The following FOXP2 variants were observed in gnomAD, a reference collection of about 807,000 sequenced individuals.
The protein encoded by FOXP2 is forkhead box P2.
Under a neutral mutation model 115.8 loss-of-function variants are expected in FOXP2, and 12 were observed. The ratio of observed to expected loss-of-function variants is 0.10; its 90% CI spans 0.07 to 0.17. FOXP2 has a LOEUF of 0.17. Among genes scored for constraint, FOXP2 ranks in the 10% least tolerant of loss-of-function variants. The probability of loss-of-function intolerance (pLI) is 1.00; values close to 1 mark genes in which losing one functional copy is unlikely to be tolerated. For missense variants in FOXP2, 629 were observed against 843.5 expected, an observed-to-expected ratio of 0.75 and a Z score of 3.15; for synonymous variants, 328 against 297.7, an observed-to-expected ratio of 1.10 and a Z score of -1.05.
chr7:114,665,026 G>A (rs1807089079), intron 16 of FOXP2: 2 of 152,904 alleles, frequency 1.3e-5, no homozygotes, highest in East Asian at 1.9e-4. Flanking sequence ...GCAAGACTAC[G>A]ATTCCTATTA....
chr7:114,220,627 T>C (rs971537909), intron 1 of FOXP2, among the ~76,000 whole-genome samples: 2 of 152,148 alleles, frequency 1.3e-5, no homozygotes, highest in African/African-American at 4.8e-5. Flanking sequence ...ATCTAATGCA[T>C]GTTATCTCTG....
At chr7:114,086,982 C>G (rs1341763768), upstream of FOXP2, among the ~76,000 whole-genome samples, 2 of 152,132 alleles carry the variant, frequency 1.3e-5, no homozygotes, top group African/African-American at 4.8e-5. Flanking sequence ...GAATGTGTGT[C>G]GAAACACCAG....
At chr7:114,336,433 G>A (rs2129183711) in intron 2 of FOXP2, among the ~76,000 whole-genome samples, 1 of 151,480 alleles carries the variant, frequency 6.6e-6, no homozygotes, top group Admixed American at 6.6e-5. Flanking sequence ...AAAGAAATGT[G>A]TAAAGTAGAA....
intron 2 of FOXP2, among the ~76,000 whole-genome samples, chr7:114,465,016 A>G (rs1795742326): frequency 6.6e-6 from 1 of 152,194 alleles, no homozygotes; most frequent in Non-Finnish European, 1.5e-5. Flanking sequence ...TTTTCCATCT[A>G]TTTCACATTA....
intron 2 of FOXP2, among the ~76,000 whole-genome samples, chr7:114,403,868 T>C (rs1407976596): frequency 6.6e-6 from 1 of 152,316 alleles, no homozygotes; most frequent in East Asian, 1.9e-4. Flanking sequence ...CATTTGAAGT[T>C]TGCAGGGCAA....
Position 114,175,132 on chromosome 7 carries a change from A to G in FOXP2, c.-102+12044A>G, listed in dbSNP as rs142469303. Among the ~76,000 whole-genome samples, 196 of 152,056 alleles carry G rather than the reference A, an allele frequency of 1.3e-3. 2 individuals are homozygous for G. Among genetic ancestry groups the G allele is most frequent in the African/African-American group, 4.4e-3 (184 of 41,522 alleles). Reference sequence around the variant, plus strand: ...GATTTTAAGTGATTTTTTTTTTCAAACGCAAACTACTTAAAACCTGTGTTT... The same window carrying G: ...GATTTTAAGTGATTTTTTTTTTCAAGCGCAAACTACTTAAAACCTGTGTTT... On this transcript the variant is annotated intron_variant, in intron 1 of 17. Transcript: ENST00000634411.
At chr7:114,422,403 A>T (rs1298976793) in intron 1 of FOXP2, among the ~76,000 whole-genome samples, 1 of 151,744 alleles carries the variant, frequency 6.6e-6, no homozygotes, top group Admixed American at 6.6e-5. Context: ...GTTAATATTA[A>T]GGCACTAAGA....
At chr7:114,495,823 T>A (rs1464131620) in intron 2 of FOXP2, among the ~76,000 whole-genome samples, 1 of 152,120 alleles carries the variant, frequency 6.6e-6, no homozygotes, top group Admixed American at 6.6e-5. Flanking sequence ...TTATTTTCTA[T>A]ATAGTGTTTG....
chr7:114,219,844 GT>G (rs111558475), intron 1 of FOXP2, among the ~76,000 whole-genome samples: 6 of 146,946 alleles, frequency 4.1e-5, no homozygotes, highest in Admixed American at 2.7e-4. Flanking sequence ...TTCTGTGAGG[GT>G]TTTTTTTTTG....
intron 2 of FOXP2, among the ~76,000 whole-genome samples, chr7:114,517,591 CT>C (rs1205233154): frequency 1.3e-5 from 2 of 152,104 alleles, no homozygotes; most frequent in African/African-American, 4.8e-5. Flanking sequence ...TGCCTTTTCC[CT>C]TTTATGTGTT....
intron 2 of FOXP2, among the ~76,000 whole-genome samples, chr7:114,513,304 T>A (rs1288417958): frequency 6.6e-6 from 1 of 152,188 alleles, no homozygotes; most frequent in African/African-American, 2.4e-5. Context: ...TTTCTTTCCA[T>A]GCTTTGTGTA....
chr7:114,175,643 T>A (rs1337131399), intron 1 of FOXP2, among the ~76,000 whole-genome samples: 1 of 152,180 alleles, frequency 6.6e-6, no homozygotes, highest in Non-Finnish European at 1.5e-5. Context: ...CAAAATGCAT[T>A]AAGTGTATTA....
intron 6 of FOXP2, among the ~76,000 whole-genome samples, chr7:114,636,182 A>G (rs1805206472): frequency 1.3e-5 from 2 of 152,170 alleles, no homozygotes; most frequent in South Asian, 4.1e-4. Flanking sequence ...AGGATACTCC[A>G]GAAACTGGGA....
chr7:114,230,975 TACACAC>T (rs3086371), intron 1 of FOXP2, among the ~76,000 whole-genome samples: 2,667 of 147,104 alleles, frequency 0.018, 77 homozygotes, highest in African/African-American at 0.059. Flanking sequence ...CCCTAAAGAT[TACACAC>T]ACACACACAC....
At chr7:114,289,611 G>A (rs1796545223) in intron 2 of FOXP2, among the ~76,000 whole-genome samples, 1 of 151,830 alleles carries the variant, frequency 6.6e-6, no homozygotes, top group South Asian at 2.1e-4. Context: ...AATGAACCAG[G>A]AAAGAATGAA....
At chr7:114,669,374 A>G (rs893295541) in intron 16 of FOXP2, 8 of 152,076 alleles carry the variant, frequency 5.3e-5, no homozygotes, top group African/African-American at 1.7e-4. Context: ...ATTCAAAGCA[A>G]GTACTTCACT....
intron 2 of FOXP2, among the ~76,000 whole-genome samples, chr7:114,370,982 C>A (rs781553086): frequency 6.6e-6 from 1 of 152,026 alleles, no homozygotes; most frequent in African/African-American, 2.4e-5. Flanking sequence ...CATTGTTTTG[C>A]TTATCTGGAG....
intron 2 of FOXP2, among the ~76,000 whole-genome samples, chr7:114,361,028 C>T (rs1235728967): frequency 6.6e-6 from 1 of 152,086 alleles, no homozygotes; most frequent in Non-Finnish European, 1.5e-5. Context: ...TGGAATAGGA[C>T]ACCATCATTG....
chr7:114,405,776 G>A (rs1584699284), intron 2 of FOXP2, among the ~76,000 whole-genome samples: 1 of 151,960 alleles, frequency 6.6e-6, no homozygotes, highest in East Asian at 1.9e-4. Flanking sequence ...AATTCACTAT[G>A]AAGTCTTTGA....
Sources: gnomAD v4.1 joint callset for allele counts (sites outside exome capture counted in the v4.1 genomes callset) on GRCh38, gnomAD v4.1.1 for gene constraint, MANE v1.5 for transcripts, NCBI Gene and HGNC (gene_info 2026-07-23, HGNC 2026-07-21) for gene names.